RIMS2: variants seen among roughly 807,000 people sequenced by gnomAD.
RIMS2 encodes the protein regulating synaptic membrane exocytosis 2, also known as regulating synaptic membrane exocytosis protein 2.
Under a neutral mutation model 174.4 loss-of-function variants are expected in RIMS2, and 59 were observed. The observed-to-expected ratio is 0.34, with a 90% confidence interval of 0.27 to 0.42. The LOEUF is 0.42. Ranked by LOEUF, RIMS2 falls within the 10% of genes least tolerant of loss-of-function variation. The probability of loss-of-function intolerance (pLI) is 1.00; values close to 1 mark genes in which losing one functional copy is unlikely to be tolerated. For synonymous variants in RIMS2, 606 were observed against 572.5 expected (o/e 1.06, Z -0.84); for missense variants, 1,620 against 1,666.3 (o/e 0.97, Z 0.48).
At chr8:104,083,607 T>C (rs968006435) in intron 19 of RIMS2, among the ~76,000 whole-genome samples, 2 of 152,228 alleles carry the variant, frequency 1.3e-5, no homozygotes, top group South Asian at 2.1e-4. Flanking sequence ...GTAGATCTTA[T>C]GGGTTTCTGA....
At chr8:103,657,739 A>G (rs1299268890) in intron 1 of RIMS2, among the ~76,000 whole-genome samples, 1 of 152,204 alleles carries the variant, frequency 6.6e-6, no homozygotes, top group Non-Finnish European at 1.5e-5. Context: ...ATGAAAATGA[A>G]GGATTCAAAC....
intron 19 of RIMS2, 84 bp from the exon 23 acceptor site, chr8:104,068,428 C>T (rs2097140412): frequency 1.6e-6 from 1 of 611,930 alleles, no homozygotes. Context: ...ACCAGCCTGG[C>T]TTTTCTTCGT....
intron 1 of RIMS2, among the ~76,000 whole-genome samples, chr8:103,671,954 A>T (rs1009418680): frequency 1.3e-5 from 2 of 152,236 alleles, no homozygotes; most frequent in Non-Finnish European, 2.9e-5. Flanking sequence ...CCTCTGTAGC[A>T]TTCCAAAGTA....
intron 3 of RIMS2, among the ~76,000 whole-genome samples, chr8:103,874,652 T>C (rs554271415): frequency 6.6e-6 from 1 of 152,192 alleles, no homozygotes; most frequent in East Asian, 1.9e-4. Flanking sequence ...TCTATAAAAG[T>C]GTTAAAAACA....
At chr8:104,215,121 TAGAC>T (rs1411585571) in intron 19 of RIMS2, among the ~76,000 whole-genome samples, 1 of 152,224 alleles carries the variant, frequency 6.6e-6, no homozygotes, top group Non-Finnish European at 1.5e-5. Flanking sequence ...AAAAGTCAAC[TAGAC>T]AGTTAAGCAA....
At chr8:104,002,129 T>C (rs973581182) in intron 17 of RIMS2, among the ~76,000 whole-genome samples, 2 of 152,140 alleles carry the variant, frequency 1.3e-5, no homozygotes. Flanking sequence ...GAAATTGTTC[T>C]AGCTCTAAAA....
chr8:104,021,471 C>T (rs537516727), intron 19 of RIMS2, among the ~76,000 whole-genome samples: 1 of 152,160 alleles, frequency 6.6e-6, no homozygotes, highest in African/African-American at 2.4e-5. Context: ...AAATATATGT[C>T]GGCAATCTGA....
intron 19 of RIMS2, among the ~76,000 whole-genome samples, chr8:104,151,501 A>G (rs2098689049): frequency 6.6e-6 from 1 of 152,106 alleles, no homozygotes; most frequent in Non-Finnish European, 1.5e-5. Context: ...CCCAGGAGAC[A>G]GAGGTTACAG....
intron 12 of RIMS2, among the ~76,000 whole-genome samples, chr8:103,934,141 G>T (rs1312643018): frequency 6.6e-6 from 1 of 151,890 alleles, no homozygotes; most frequent in Non-Finnish European, 1.5e-5. Flanking sequence ...TTTGCATGCT[G>T]TTACTAAATT....
intron 1 of RIMS2, among the ~76,000 whole-genome samples, chr8:103,692,732 C>T (rs1351454162): frequency 6.6e-6 from 1 of 152,166 alleles, no homozygotes; most frequent in Admixed American, 6.5e-5. Flanking sequence ...TGCCTGGTAC[C>T]ATATTCTACT....
intron 4 of RIMS2, among the ~76,000 whole-genome samples, chr8:103,892,546 A>G (rs1488759278): frequency 1.3e-5 from 2 of 152,042 alleles, no homozygotes; most frequent in Non-Finnish European, 2.9e-5. Flanking sequence ...AAAGTTTTTA[A>G]AAGTCAAAGA....
chr8:103,747,243 T>TCC (rs2139573522), intron 2 of RIMS2, among the ~76,000 whole-genome samples: 1 of 44,594 alleles, frequency 2.2e-5, no homozygotes, highest in African/African-American at 9.2e-5. Context: ...CCCTCCCCCC[T>TCC]CCCCCCACCC....
At chr8:103,939,556 C>T (rs2082070231) in intron 13 of RIMS2, among the ~76,000 whole-genome samples, 1 of 152,246 alleles carries the variant, frequency 6.6e-6, no homozygotes, top group African/African-American at 2.4e-5. Context: ...GAGACATTTT[C>T]CACATTGCGG....
chr8:103,695,002 C>T (rs2097081700), intron 1 of RIMS2, among the ~76,000 whole-genome samples: 1 of 152,186 alleles, frequency 6.6e-6, no homozygotes, highest in African/African-American at 2.4e-5. Flanking sequence ...CTGCCTAGCA[C>T]CTCATTTTAT....
At chr8:103,728,748 C>CTTTTTTTTT (rs71575982) in intron 2 of RIMS2, among the ~76,000 whole-genome samples, 1,985 of 91,828 alleles carry the variant, frequency 0.022, 29 homozygotes, top group Non-Finnish European at 0.03. Flanking sequence ...TATGCTCCTT[C>CTTTTTTTTT]TTTTTTTTTT....
intron 16 of RIMS2, among the ~76,000 whole-genome samples, chr8:103,980,114 G>T (rs1429044490): frequency 2.0e-5 from 3 of 152,138 alleles, no homozygotes; most frequent in South Asian, 2.1e-4. Flanking sequence ...GGCTAAAGGA[G>T]TGCTAGTACC....
At chr8:103,718,418 G>C (rs937572809) in intron 2 of RIMS2, among the ~76,000 whole-genome samples, 9 of 152,182 alleles carry the variant, frequency 5.9e-5, no homozygotes, top group Non-Finnish European at 1.3e-4. Flanking sequence ...ATTGGGAACA[G>C]GTGTAATTTG....
intron 2 of RIMS2, among the ~76,000 whole-genome samples, chr8:103,701,973 G>A (rs1564343203): frequency 6.6e-6 from 1 of 151,972 alleles, no homozygotes; most frequent in African/African-American, 2.4e-5. Flanking sequence ...TGGATCATAT[G>A]GTGGTTCTAT....
intron 9 of RIMS2, among the ~76,000 whole-genome samples, chr8:103,920,142 T>A (rs1357422657): frequency 2.0e-5 from 3 of 152,184 alleles, no homozygotes; most frequent in Non-Finnish European, 4.4e-5. Flanking sequence ...GGGTCCTTTC[T>A]CAGATTAGAT....
Sources: allele counts gnomAD v4.1 joint callset (sites outside exome capture counted in the v4.1 genomes callset), GRCh38; gene constraint gnomAD v4.1.1; transcripts MANE v1.5; gene names NCBI Gene and HGNC (gene_info 2026-07-23, HGNC 2026-07-21).